Variants in NAALADL2 observed in about 807,000 individuals in gnomAD.
NAALADL2 encodes N-acetylated alpha-linked acidic dipeptidase like 2, also known as inactive N-acetylated-alpha-linked acidic dipeptidase-like protein 2.
A neutral mutation model predicts 87.2 loss-of-function variants in NAALADL2; 76 were observed. The observed-to-expected ratio is 0.87, with a 90% confidence interval of 0.72 to 1.05. NAALADL2 has a LOEUF of 1.05. Among genes scored for constraint, NAALADL2 ranks in the 50% least tolerant of loss-of-function variants. The pLI, the probability that NAALADL2 is intolerant of heterozygous loss-of-function variation, is 0.00. For synonymous variants in NAALADL2, 354 were observed against 331.0 expected (o/e 1.07, Z -0.75); for missense variants, 1,089 against 945.8 (o/e 1.15, Z -1.99).
At chr3:175,701,945 T>G (rs1304150572) in intron 11 of NAALADL2, among the ~76,000 whole-genome samples, 1 of 152,176 alleles carries the variant, frequency 6.6e-6, no homozygotes, top group Non-Finnish European at 1.5e-5. Flanking sequence ...AAAACCACAC[T>G]GACACTAATT....
intron 2 of NAALADL2, among the ~76,000 whole-genome samples, chr3:174,731,828 G>C (rs1297559560): frequency 6.6e-6 from 1 of 152,158 alleles, no homozygotes; most frequent in African/African-American, 2.4e-5. Context: ...AAGAGTGTGA[G>C]TAGGCCAATA....
At chr3:174,550,137 G>C (rs952512095) in intron 1 of NAALADL2, among the ~76,000 whole-genome samples, 1 of 151,952 alleles carries the variant, frequency 6.6e-6, no homozygotes, top group Admixed American at 6.6e-5. Context: ...CAATCCAATT[G>C]TTAATTTTTA....
chr3:174,707,794 TAAAA>T (rs559228656), intron 2 of NAALADL2, among the ~76,000 whole-genome samples: 1 of 138,844 alleles, frequency 7.2e-6, no homozygotes, highest in Non-Finnish European at 1.6e-5. Flanking sequence ...TAAAGTATAA[TAAAA>T]AAAAATTTTA....
upstream of NAALADL2, among the ~76,000 whole-genome samples, chr3:174,855,647 A>G (rs941616789): frequency 1.3e-5 from 2 of 151,400 alleles, no homozygotes; most frequent in African/African-American, 4.9e-5. Flanking sequence ...CTTTCTGATG[A>G]TGGTAATTTT....
At chr3:175,015,650 A>G (rs1750714654) in intron 1 of NAALADL2, among the ~76,000 whole-genome samples, 1 of 152,118 alleles carries the variant, frequency 6.6e-6, no homozygotes, top group African/African-American at 2.4e-5. Flanking sequence ...TTGAAAATAT[A>G]TCATTTAGTT....
chr3:175,065,840 T>C (rs1008414329), intron 1 of NAALADL2, among the ~76,000 whole-genome samples: 2 of 152,172 alleles, frequency 1.3e-5, no homozygotes, highest in Middle Eastern at 3.2e-3. Context: ...GTAGAATGAA[T>C]TGAAAGCTGA....
chr3:175,148,125 A>ATAAAAT (rs1417483172), intron 2 of NAALADL2, among the ~76,000 whole-genome samples: 1 of 138,106 alleles, frequency 7.2e-6, no homozygotes, highest in African/African-American at 2.6e-5. Context: ...AATAATAATA[A>ATAAAAT]AATAATAATA....
At chr3:175,004,375 T>TA (rs1560464787) in intron 1 of NAALADL2, among the ~76,000 whole-genome samples, 1 of 39,550 alleles carries the variant, frequency 2.5e-5, no homozygotes, top group African/African-American at 8.8e-5. Context: ...TGAGACTATT[T>TA]CAAAAAAAAA....
intron 5 of NAALADL2, among the ~76,000 whole-genome samples, chr3:175,343,491 C>G (rs1762776381): frequency 1.3e-5 from 2 of 151,754 alleles, no homozygotes; most frequent in Non-Finnish European, 2.9e-5. Flanking sequence ...GCCAAGAAAC[C>G]AAGAAAAGAT....
At chr3:175,690,218 T>G (rs1025127782) in intron 11 of NAALADL2, among the ~76,000 whole-genome samples, 3 of 152,046 alleles carry the variant, frequency 2.0e-5, no homozygotes, top group Non-Finnish European at 2.9e-5. Flanking sequence ...TAGGTGTGAC[T>G]ATAAGAGGTG....
At chr3:175,420,354 T>C (rs1715485429) in intron 5 of NAALADL2, among the ~76,000 whole-genome samples, 1 of 152,000 alleles carries the variant, frequency 6.6e-6, no homozygotes, top group African/African-American at 2.4e-5. Context: ...CTTCTACACC[T>C]GAAGGGTCAC....
chr3:174,836,012 A>C (rs1723290970), intron 3 of NAALADL2, among the ~76,000 whole-genome samples: 1 of 152,220 alleles, frequency 6.6e-6, no homozygotes, highest in African/African-American at 2.4e-5. Flanking sequence ...TACGTAAAGT[A>C]AGTCAAAGTG....
At chr3:174,882,534 T>A (rs1004861691) in intron 1 of NAALADL2, among the ~76,000 whole-genome samples, 1 of 149,084 alleles carries the variant, frequency 6.7e-6, no homozygotes, top group Non-Finnish European at 1.5e-5. Context: ...TACACATATA[T>A]GCATACACAC....
chr3:174,993,988 A>T (rs1352386386), intron 1 of NAALADL2, among the ~76,000 whole-genome samples: 1 of 152,138 alleles, frequency 6.6e-6, no homozygotes, highest in Non-Finnish European at 1.5e-5. Context: ...CTCTTCTTAT[A>T]GGGCATCAAT....
At chr3:174,930,304 GT>G (rs1027178992) in intron 1 of NAALADL2, among the ~76,000 whole-genome samples, 4 of 151,860 alleles carry the variant, frequency 2.6e-5, no homozygotes, top group Non-Finnish European at 4.4e-5. Flanking sequence ...TTAAAAAAAT[GT>G]TTTTATTTCT....
chr3:174,875,654 A>G, intron 1 of NAALADL2, among the ~76,000 whole-genome samples: 1 of 152,208 alleles, frequency 6.6e-6, no homozygotes, highest in Non-Finnish European at 1.5e-5. Context: ...AATATATCTT[A>G]TTTTCTAAGA....
intron 1 of NAALADL2, among the ~76,000 whole-genome samples, chr3:174,542,371 G>C (rs1177375971): frequency 6.6e-6 from 1 of 152,136 alleles, no homozygotes; most frequent in Non-Finnish European, 1.5e-5. Context: ...CATGGACTCT[G>C]CTTAGTGTTG....
intron 2 of NAALADL2, among the ~76,000 whole-genome samples, chr3:175,203,299 G>A (rs573514063): frequency 1.9e-4 from 29 of 152,190 alleles, no homozygotes; most frequent in African/African-American, 6.7e-4. Context: ...GGGAACTAGC[G>A]AGCTCCCAGG....
At chr3:174,549,904 T>C (rs930969274) in intron 1 of NAALADL2, among the ~76,000 whole-genome samples, 2 of 151,988 alleles carry the variant, frequency 1.3e-5, no homozygotes, top group Non-Finnish European at 2.9e-5. Flanking sequence ...GTTTTTTTTT[T>C]CCAATGTCTC....
Sources: gnomAD v4.1 joint callset for allele counts (sites outside exome capture counted in the v4.1 genomes callset) on GRCh38, gnomAD v4.1.1 for gene constraint, MANE v1.5 for transcripts, NCBI Gene and HGNC (gene_info 2026-07-23, HGNC 2026-07-21) for gene names.